DNAJC3: variants seen among roughly 807,000 people sequenced by gnomAD.
The protein encoded by DNAJC3 is DnaJ heat shock protein family (Hsp40) member C3.
In DNAJC3, 38 loss-of-function variants were observed where a neutral mutation model predicts 68.6. That is an observed-to-expected ratio of 0.55 (90% confidence interval 0.43 to 0.73). The LOEUF (loss-of-function observed/expected upper bound fraction) is 0.73. DNAJC3 is among the 30% of genes least tolerant of loss of function. The probability of loss-of-function intolerance (pLI) is 0.00; values close to 1 mark genes in which losing one functional copy is unlikely to be tolerated. For missense variants in DNAJC3, 526 were observed against 591.9 expected, an observed-to-expected ratio of 0.89 and a Z score of 1.16; for synonymous variants, 203 against 204.0, an observed-to-expected ratio of 1.00 and a Z score of 0.04.
Position 95,785,797 on chromosome 13 carries a change from G to A in DNAJC3, c.1076-142G>A, listed in dbSNP as rs77319421. ...ATTCTTGATCAAAGTTACTAACGGG[G>A]TATCACTTAAGGTTTTTGGCAATAA... On this transcript the variant is annotated intron_variant, in intron 9 of 11. Transcript: ENST00000602402. The A allele has an allele frequency of 4.8e-3, 2,991 of 626,468 alleles. 81 individuals carry two copies. The African/African-American group carries it at 0.052, about 11-fold the overall frequency. 38.8% of individuals were successfully genotyped at this position (626,468 alleles called of 1,614,324 possible). A position where few individuals can be genotyped will look rare whatever the true frequency, so the allele number is the denominator to read the frequency against.
At chr13:95,707,588 T>C (rs139184718) in intron 1 of DNAJC3, among the ~76,000 whole-genome samples, 130 of 152,306 alleles carry the variant, frequency 8.5e-4, no homozygotes, top group African/African-American at 3.0e-3. Flanking sequence ...TGCATCTCTG[T>C]GGGCCTGTCT....
At chr13:95,728,785 G>C (rs138078374) in intron 4 of DNAJC3, among the ~76,000 whole-genome samples, 2 of 152,226 alleles carry the variant, frequency 1.3e-5, no homozygotes, top group Non-Finnish European at 2.9e-5. Context: ...ATCTATCACT[G>C]AATATTTATC....
intron 1 of DNAJC3, among the ~76,000 whole-genome samples, chr13:95,697,774 A>G (rs1880484095): frequency 6.8e-6 from 1 of 146,290 alleles, no homozygotes; most frequent in Non-Finnish European, 1.5e-5. Context: ...TTAAAAGACC[A>G]GCCTTCAAGA....
intron 9 of DNAJC3, among the ~76,000 whole-genome samples, chr13:95,777,394 C>A (rs572530958): frequency 2.0e-5 from 3 of 152,162 alleles, no homozygotes; most frequent in Non-Finnish European, 2.9e-5. Flanking sequence ...CAGTCTAGAT[C>A]CATCTTTCAC....
intron 9 of DNAJC3, among the ~76,000 whole-genome samples, chr13:95,768,618 C>T (rs1278753862): frequency 6.6e-6 from 1 of 152,138 alleles, no homozygotes; most frequent in Non-Finnish European, 1.5e-5. Context: ...TCTTGCTTAT[C>T]CTGGGACTCC....
intron 1 of DNAJC3, among the ~76,000 whole-genome samples, chr13:95,699,229 G>A (rs1277202847): frequency 2.0e-5 from 3 of 152,156 alleles, no homozygotes; most frequent in African/African-American, 7.2e-5. Flanking sequence ...TAGAGGAAGT[G>A]ATATTATCAT....
chr13:95,713,820 C>G (rs1027687472), intron 2 of DNAJC3, among the ~76,000 whole-genome samples: 4 of 152,202 alleles, frequency 2.6e-5, no homozygotes, highest in Admixed American at 2.0e-4. Context: ...GAGCAGAGAG[C>G]CTGCTAGTCT....
intron 1 of DNAJC3, among the ~76,000 whole-genome samples, chr13:95,706,211 T>C (rs1218383762): frequency 6.6e-6 from 1 of 152,200 alleles, no homozygotes; most frequent in Non-Finnish European, 1.5e-5. Flanking sequence ...AGAGGCCATA[T>C]GGGTTTTGTC....
chr13:95,752,777 C>T (rs1882520730), intron 4 of DNAJC3, among the ~76,000 whole-genome samples: 1 of 152,124 alleles, frequency 6.6e-6, no homozygotes, highest in Non-Finnish European at 1.5e-5. Flanking sequence ...CCCAGGGGTT[C>T]CTAGGTCACA....
Position 95,709,275 on chromosome 13 carries a change from G to C in DNAJC3, c.131G>C (p.Gly44Ala). Residue 44 changes from glycine to alanine, a missense_variant, in exon 2 of 12, where the codon GGC becomes GCC. Transcript: ENST00000602402. ...NADVEKHLEL[G>A]KKLLAAGQLA... is the part of the protein sequence containing the mutation. ...GATGTTGAGAAACATCTTGAATTGG[G>C]CAAGAAATTACTTGCAGCTGGACAG... The C allele has an allele frequency of 6.3e-7, 1 of 1,587,996 alleles. No individual in the cohort carries two copies. The highest frequency in any genetic ancestry group is 8.6e-7 in the Non-Finnish European group (1 of 1,168,026).
intron 1 of DNAJC3, among the ~76,000 whole-genome samples, chr13:95,689,034 T>A (rs979106078): frequency 2.6e-5 from 4 of 151,834 alleles, no homozygotes; most frequent in African/African-American, 9.7e-5. Flanking sequence ...TCAGGGATAT[T>A]GGCCTGTGGT....
chr13:95,755,467 T>TA lies in DNAJC3; in HGVS notation c.394-2170dup, dbSNP rs367637571. Among the ~76,000 whole-genome samples, 1,226 of 149,632 alleles carry TA rather than the reference T, an allele frequency of 8.2e-3. 11 individuals carry two copies. Among genetic ancestry groups the TA allele is most frequent in the Non-Finnish European group, 0.014 (963 of 67,226 alleles). On this transcript the variant is annotated intron_variant, in intron 4 of 11. Coordinates refer to ENST00000602402, the MANE Select transcript of DNAJC3 (RefSeq NM_006260.5). ...CCCTGTCCCCTGTCTCTTTAAAGAATAAAAAAATGGGCCTGGCTCAGTGGC... is the reference window on the plus strand; with the variant it reads ...CCCTGTCCCCTGTCTCTTTAAAGAATAAAAAAAATGGGCCTGGCTCAGTGGC...
chr13:95,763,645 A>C lies in DNAJC3; in HGVS notation c.851A>C (p.Tyr284Ser). 6.2e-7 allele frequency: 1 copy of C among 1,613,274 alleles called. No homozygotes were observed. The highest frequency in any genetic ancestry group is 1.1e-5 in the South Asian group (1 of 91,018). Residue 284 changes from tyrosine (Y) to serine (S), a missense_variant and splice_region_variant, in exon 8 of 12, where the codon TAC (tyrosine) becomes TCC (serine). By Grantham distance (144) the Tyr-to-Ser change is moderately radical. Coordinates refer to ENST00000602402, the MANE Select transcript of DNAJC3 (RefSeq NM_006260.5). ...ATCATGATTTGCTCATTTCTTAGAT[A>C]CACAGATGCTACCAGCAAATATGAA... ...SAEELIRDGRYTDATSKYESV... is the reference protein window; with the variant it reads ...SAEELIRDGRSTDATSKYESV...
intron 1 of DNAJC3, among the ~76,000 whole-genome samples, chr13:95,706,227 A>T (rs1880740190): frequency 1.3e-5 from 2 of 152,214 alleles, no homozygotes; most frequent in Admixed American, 1.3e-4. Context: ...TTGTCACAAC[A>T]ACTCTGTTCT....
intron 2 of DNAJC3, among the ~76,000 whole-genome samples, chr13:95,719,955 A>G (rs1013866183): frequency 6.6e-6 from 1 of 152,164 alleles, no homozygotes; most frequent in African/African-American, 2.4e-5. Flanking sequence ...GTTTTACTGT[A>G]CTTTTTAGGG....
intron 4 of DNAJC3, among the ~76,000 whole-genome samples, chr13:95,750,728 C>T (rs1882449172): frequency 6.6e-6 from 1 of 151,986 alleles, no homozygotes; most frequent in African/African-American, 2.4e-5. Flanking sequence ...CCAGGCTGGT[C>T]TCAAACTCCT....
chr13:95,750,208 A>G (rs563782637), intron 4 of DNAJC3, among the ~76,000 whole-genome samples: 10 of 147,934 alleles, frequency 6.8e-5, no homozygotes, highest in Admixed American at 1.4e-4. Context: ...TCTCCCATCA[A>G]TCTCTTCAAT....
At chr13:95,742,336 G>C (rs1002139977) in intron 4 of DNAJC3, among the ~76,000 whole-genome samples, 6 of 152,174 alleles carry the variant, frequency 3.9e-5, no homozygotes, top group African/African-American at 9.7e-5. Flanking sequence ...GATGCTGCCT[G>C]GTAAGGGCTG....
At chr13:95,760,945 T>C (rs1009504198) in intron 7 of DNAJC3, 147 bp downstream of exon 7, 6 of 1,068,328 alleles carry the variant, frequency 5.6e-6, no homozygotes, top group Non-Finnish European at 6.4e-6. Context: ...ACTACCAGAA[T>C]TGGACATTTT....
Sources: allele counts gnomAD v4.1 joint callset (sites outside exome capture counted in the v4.1 genomes callset), GRCh38; gene constraint gnomAD v4.1.1; transcripts MANE v1.5; gene names NCBI Gene and HGNC (gene_info 2026-07-23, HGNC 2026-07-21).